Variants in FAM184A observed in about 807,000 individuals in gnomAD.
FAM184A encodes family with sequence similarity 184 member A, also known as protein FAM184A.
In FAM184A, 99 loss-of-function variants were observed where a neutral mutation model predicts 143.8. The ratio of observed to expected loss-of-function variants is 0.69; its 90% confidence interval spans 0.58 to 0.81. The LOEUF is 0.81. FAM184A is among the 40% of genes least tolerant of loss of function. The pLI is 0.00. For synonymous variants in FAM184A, 427 were observed against 446.4 expected (o/e 0.96, Z 0.55); for missense variants, 1,217 against 1,310.5 (o/e 0.93, Z 1.10).
chr6:119,061,646 C>T (rs546405329), intron 1 of FAM184A, among the ~76,000 whole-genome samples: 139 of 147,166 alleles, frequency 9.4e-4, no homozygotes, highest in African/African-American at 3.4e-3. Flanking sequence ...GCCACCACAC[C>T]TAAACTACTT....
intron 11 of FAM184A, 89 bp downstream of exon 11, chr6:118,979,276 A>T (rs753848804): frequency 3.0e-6 from 4 of 1,319,176 alleles, no homozygotes; most frequent in Non-Finnish European, 4.1e-6. Flanking sequence ...TCAAAATTTT[A>T]AAATAAAACT....
Position 119,006,485 on chromosome 6 carries a change from T to G in FAM184A, c.1777A>C (p.Ser593Arg). 1 of 1,614,064 alleles carries G rather than the reference T, an allele frequency of 6.2e-7. No homozygotes were observed. Among genetic ancestry groups the G allele is most frequent in the Non-Finnish European group, 8.5e-7 (1 of 1,179,974 alleles). Residue 593 changes from serine to arginine, a missense_variant, in exon 7 of 18, where the codon AGC becomes CGC. Ser to Arg is a moderately radical substitution (Grantham distance 110). Transcript: ENST00000338891. ...LQNELDLTKD[S>R]LKETKDALLN... ...AGAGCATCCTTGGTCTCCTTTAGGC[T>G]GTCTTTAGTCAAGTCAAGCTCATTC...
At chr6:119,022,852 G>A (rs1228759102) in intron 3 of FAM184A, 93 bp downstream of exon 3, 4 of 1,484,690 alleles carry the variant, frequency 2.7e-6, no homozygotes, top group Non-Finnish European at 3.7e-6. Context: ...ACTCCCGTCT[G>A]GGCGACAGAG....
At chr6:119,133,934 G>A (rs985420441) in intron 1 of FAM184A, among the ~76,000 whole-genome samples, 2 of 150,972 alleles carry the variant, frequency 1.3e-5, no homozygotes, top group African/African-American at 4.9e-5. Context: ...TTCCTGCTTT[G>A]GCCTCCCAAA....
chr6:119,109,624 A>T (rs528719324), intron 1 of FAM184A, among the ~76,000 whole-genome samples: 1 of 152,388 alleles, frequency 6.6e-6, no homozygotes, highest in African/African-American at 2.4e-5. Flanking sequence ...GGCATTTCAC[A>T]AATGAGTTAT....
chr6:118,973,305 T>C (rs185805395), intron 14 of FAM184A, among the ~76,000 whole-genome samples: 8 of 152,280 alleles, frequency 5.3e-5, no homozygotes, highest in Admixed American at 3.9e-4. Context: ...TACCGAAAGA[T>C]TGAATTGGTC....
intron 1 of FAM184A, among the ~76,000 whole-genome samples, chr6:119,118,343 G>T (rs1789116793): frequency 6.6e-6 from 1 of 151,898 alleles, no homozygotes; most frequent in Non-Finnish European, 1.5e-5. Flanking sequence ...ATATATAAAG[G>T]GCTTAGAATA....
At chr6:119,037,350 G>C (rs1160759127) in intron 1 of FAM184A, among the ~76,000 whole-genome samples, 1 of 152,124 alleles carries the variant, frequency 6.6e-6, no homozygotes, top group Non-Finnish European at 1.5e-5. Flanking sequence ...AGTTTTTTAA[G>C]AGACAGGGCT....
chr6:119,122,270 GT>G (rs1157975412), intron 1 of FAM184A, among the ~76,000 whole-genome samples: 1 of 152,124 alleles, frequency 6.6e-6, no homozygotes, highest in Non-Finnish European at 1.5e-5. Flanking sequence ...CATTAATAGG[GT>G]TTCTAGAGGA....
At chr6:119,050,667 G>A (rs543833871) in intron 1 of FAM184A, among the ~76,000 whole-genome samples, 26 of 152,228 alleles carry the variant, frequency 1.7e-4, no homozygotes, top group East Asian at 3.9e-4. Flanking sequence ...TTAGCCGGGC[G>A]CGGTGGCGGG....
At position 118,974,540 on chromosome 6, in the gene FAM184A, T is replaced by C. The variant is rs766178587; in HGVS notation, c.2803A>G (p.Lys935Glu). ...TCTGCTGTCATGACATCCAACTCTTTTTCAAGTCTCTTGTTTAAATCTTGT... is the reference window on the plus strand; with the variant it reads ...TCTGCTGTCATGACATCCAACTCTTCTTCAAGTCTCTTGTTTAAATCTTGT... ...HEQDLNKRLE[K>E]ELDVMTADHL... The change falls in exon 14 of 18, where the codon AAA becomes GAA. Residue 935 changes from lysine to glutamate, a missense_variant. Lys to Glu is a moderately conservative substitution (Grantham distance 56). Coordinates refer to ENST00000338891, the MANE Select transcript of FAM184A (RefSeq NM_024581.6). 15 of 1,608,960 alleles carry C rather than the reference T, an allele frequency of 9.3e-6. No homozygotes were observed. Among genetic ancestry groups the C allele is most frequent in the South Asian group, 2.2e-5 (2 of 89,534 alleles).
chr6:119,054,244 G>A (rs1030970745), intron 1 of FAM184A, among the ~76,000 whole-genome samples: 3 of 152,258 alleles, frequency 2.0e-5, no homozygotes, highest in Non-Finnish European at 4.4e-5. Context: ...AATGAATCAC[G>A]CTAGCTTAGC....
chr6:119,015,563 G>A (rs937569272), intron 5 of FAM184A, among the ~76,000 whole-genome samples: 25 of 152,338 alleles, frequency 1.6e-4, no homozygotes, highest in Admixed American at 6.5e-5. Context: ...GCCTTCCCAC[G>A]GGGCAGGCCT....
Position 119,029,769 on chromosome 6 carries a change from G to A in FAM184A, c.160-4956C>T, listed in dbSNP as rs138523106. On this transcript the variant is annotated intron_variant, in intron 1 of 17. Transcript: ENST00000338891. ...ACTTGACATTCTAATGCAGGAGTTA[G>A]CAAACTACAACCTGTAGGCCAAATA... 6.2e-3 allele frequency among the ~76,000 whole-genome samples: 950 copies of A among 152,250 alleles called. 6 individuals are homozygous for A. The highest frequency in any genetic ancestry group is 0.014 in the Middle Eastern group (4 of 294).
intron 1 of FAM184A, among the ~76,000 whole-genome samples, chr6:119,042,811 C>T (rs954753): frequency 0.67 from 101,673 of 152,040 alleles, 35,919 homozygotes; most frequent in South Asian, 0.79. Flanking sequence ...CTCTACTACA[C>T]GATGCTGACA....
chr6:119,106,615 A>G (rs902404922), intron 1 of FAM184A, among the ~76,000 whole-genome samples: 36 of 152,230 alleles, frequency 2.4e-4, no homozygotes, highest in African/African-American at 6.0e-4. Context: ...TAAACTCAGT[A>G]TAACTACTTA....
intron 1 of FAM184A, among the ~76,000 whole-genome samples, chr6:119,034,040 AT>A (rs1786012992): frequency 4.7e-5 from 1 of 21,130 alleles, no homozygotes; most frequent in Non-Finnish European, 9.4e-5. Flanking sequence ...ATATATATAT[AT>A]AGAGAGAGAG....
At chr6:118,993,950 T>G (rs933959252) in intron 9 of FAM184A, among the ~76,000 whole-genome samples, 1 of 152,192 alleles carries the variant, frequency 6.6e-6, no homozygotes, top group African/African-American at 2.4e-5. Context: ...CCTGGCGTGA[T>G]CTGATCCTTC....
In FAM184A at chr6:118,974,530, T is replaced by C; in HGVS notation, c.2813A>G (p.Asp938Gly). The change falls in exon 14 of 18, where the codon GAT becomes GGT. Residue 938 changes from aspartate (D) to glycine (G), a missense_variant. Physicochemically the swap from Asp to Gly is moderately conservative, Grantham distance 94. Coordinates refer to ENST00000338891, the MANE Select transcript of FAM184A (RefSeq NM_024581.6). ...DLNKRLEKELDVMTADHLREK... is the reference protein window; with the variant it reads ...DLNKRLEKELGVMTADHLREK... ...TCTGAGGTGGTCTGCTGTCATGACA[T>C]CCAACTCTTTTTCAAGTCTCTTGTT... 1.2e-6 allele frequency: 2 copies of C among 1,610,314 alleles called. No homozygotes were observed. The highest frequency in any genetic ancestry group is 1.7e-6 in the Non-Finnish European group (2 of 1,178,368).
Sources: allele counts gnomAD v4.1 joint callset (sites outside exome capture counted in the v4.1 genomes callset), GRCh38; gene constraint gnomAD v4.1.1; transcripts MANE v1.5; gene names NCBI Gene and HGNC (gene_info 2026-07-23, HGNC 2026-07-21).